CLASRP: variants seen among roughly 807,000 people sequenced by gnomAD.
CLASRP encodes CLK4 associating serine/arginine rich protein.
In CLASRP, 52 loss-of-function variants were observed where a neutral mutation model predicts 99.9. That is an observed-to-expected ratio of 0.52 (90% CI 0.42 to 0.66). CLASRP has a LOEUF of 0.66. Among genes scored for constraint, CLASRP ranks in the 30% least tolerant of loss-of-function variants. CLASRP has a pLI of 0.00. For missense variants in CLASRP, 848 were observed against 999.2 expected (o/e 0.85, Z 2.04); for synonymous variants, 379 against 373.0 (o/e 1.02, Z -0.18).
At position 45,069,190 on chromosome 19, in the gene CLASRP, T is replaced by C; in HGVS notation, c.1828-12T>C. 6.2e-7 allele frequency: 1 copy of C among 1,613,992 alleles called. No individual in the cohort carries two copies. Among genetic ancestry groups the C allele is most frequent in the Non-Finnish European group, 8.5e-7 (1 of 1,179,940 alleles). On this transcript the variant is annotated splice_polypyrimidine_tract_variant and intron_variant, in intron 17 of 20. Coordinates refer to ENST00000221455, the MANE Select transcript of CLASRP (RefSeq NM_007056.3). Reference sequence around the variant, plus strand: ...TGGCCTGGCCACGTCCTCATAGCCCTGTCTGCTGCAGGAGCGGGAAGACGA... The same window carrying C: ...TGGCCTGGCCACGTCCTCATAGCCCCGTCTGCTGCAGGAGCGGGAAGACGA...
intron 13 of CLASRP, among the ~76,000 whole-genome samples, chr19:45,065,982 T>C (rs1387365364): frequency 6.6e-6 from 1 of 152,136 alleles, no homozygotes; most frequent in Non-Finnish European, 1.5e-5. Flanking sequence ...AGGGGCCAGG[T>C]AGAGATCCTG....
Position 45,067,437 on chromosome 19 carries a change from C to A in CLASRP, c.1510C>A (p.Arg504Ser), listed in dbSNP as rs755157384. 1.3e-6 allele frequency: 2 copies of A among 1,536,766 alleles called. No homozygotes were observed. The highest frequency in any genetic ancestry group is 1.7e-6 in the Non-Finnish European group (2 of 1,144,176). The change falls in exon 14 of 21, where the codon CGC (arginine) becomes AGC (serine). Residue 504 changes from arginine (R) to serine (S), a missense_variant. Arg to Ser is a moderately radical substitution (Grantham distance 110). Around this residue, in one of 8 missense-constraint regions of CLASRP, gnomAD observed 489 missense variants for 434.7 expected, o/e 1.12. Coordinates refer to ENST00000221455, the MANE Select transcript of CLASRP (RefSeq NM_007056.3). The surrounding 1 kb of genome is among the most constrained non-coding windows in gnomAD (Gnocchi z 4.9). ...SRSSWSLSPS[R>S]SRSLTRSRSH... Reference sequence around the variant, plus strand: ...CAGCAGCTGGTCCCTCAGCCCGTCCCGCAGTCGCAGCCTGACTCGCAGCCG... The same window carrying A: ...CAGCAGCTGGTCCCTCAGCCCGTCCAGCAGTCGCAGCCTGACTCGCAGCCG...
intron 13 of CLASRP, among the ~76,000 whole-genome samples, chr19:45,066,029 G>A (rs537984727): frequency 5.3e-5 from 8 of 152,320 alleles, no homozygotes; most frequent in South Asian, 4.1e-4. Flanking sequence ...CAGTCGGGGC[G>A]TTGACCGCTC....
intron 2 of CLASRP, among the ~76,000 whole-genome samples, chr19:45,051,822 G>T (rs1324780179): frequency 6.6e-6 from 1 of 152,096 alleles, no homozygotes; most frequent in African/African-American, 2.4e-5. Context: ...CAAAAAATTA[G>T]TCGGGCATGG....
chr19:45,040,479 GCTT>G, intron 2 of CLASRP, 168 bp downstream of exon 2: 1 of 538,638 alleles, frequency 1.9e-6, no homozygotes, highest in South Asian at 1.9e-5. Context: ...GATCCCAAGG[GCTT>G]CTGTTTGTTG....
At chr19:45,052,982 C>T in intron 4 of CLASRP, 90 bp downstream of exon 4, 1 of 1,518,318 alleles carries the variant, frequency 6.6e-7, no homozygotes. Flanking sequence ...TTCCTAGGAG[C>T]CGTTCCTATT....
intron 11 of CLASRP, among the ~76,000 whole-genome samples, 174 bp from the exon 12 acceptor site, chr19:45,063,838 G>C (rs1294635854): frequency 6.6e-6 from 1 of 152,184 alleles, no homozygotes; most frequent in African/African-American, 2.4e-5. Context: ...GCATGGTTGT[G>C]AGTCAAGTCC....
chr19:45,040,698 A>T, intron 2 of CLASRP: 1 of 180,574 alleles, frequency 5.5e-6, no homozygotes, highest in African/African-American at 2.3e-5. Flanking sequence ...AGTGAGTATT[A>T]AGTTGGCCTG....
chr19:45,064,596 C>A lies in CLASRP; in HGVS notation c.1375C>A (p.Arg459=). The A allele has an allele frequency of 1.3e-6, 2 of 1,549,004 alleles. No homozygotes were observed. Among genetic ancestry groups the A allele is most frequent in the Admixed American group, 1.9e-5 (1 of 52,652 alleles). The change falls in exon 13 of 21, where the codon CGG becomes AGG. Residue 459 remains arginine (R), a synonymous_variant. Transcript: ENST00000221455. ...ACACCGGTACTCCCGCTCGCCCGCC[C>A]GGCGTGGTGGTTACGGGCCCCGGCG... The part of the protein sequence containing the change: ...DGHRYSRSPA[R]RGGYGPRRRS...
intron 2 of CLASRP, among the ~76,000 whole-genome samples, chr19:45,048,900 C>A (rs1351807618): frequency 6.6e-6 from 1 of 151,996 alleles, no homozygotes; most frequent in South Asian, 2.1e-4. Context: ...GCAGGAGAAT[C>A]CCTTGAACTT....
At position 45,052,103 on chromosome 19, in the gene CLASRP, T is replaced by C. The variant is rs1235973797; in HGVS notation, c.132T>C (p.His44=). 6 of 1,613,916 alleles carry C rather than the reference T, an allele frequency of 3.7e-6. No individual in the cohort carries two copies. In the African/African-American group the frequency reaches 8.0e-5, roughly 22 times the overall value. ...KKDPAQFLQV[H]GRACKVHLDS... ...ACCCAGCCCAGTTCCTGCAGGTACA[T>C]GGCCGAGCTTGCAAGGTGCACCTGG... Residue 44 remains histidine, a synonymous_variant, in exon 3 of 21, where the codon CAT becomes CAC. Transcript: ENST00000221455.
Position 45,070,519 on chromosome 19 carries a change from C to G in CLASRP, c.1958-18C>G, listed in dbSNP as rs1568424355. 1 of 1,613,604 alleles carries G rather than the reference C, an allele frequency of 6.2e-7. No individual in the cohort carries two copies. On this transcript the variant is annotated intron_variant, in intron 19 of 20. Transcript: ENST00000221455. ...CCCTGGATGTTTGCTCGCTCTTCAC[C>G]TGTTGTTTTCTTTCCAGGTCGAGAA...
Position 45,064,145 on chromosome 19 carries a change from G to GCAGCAT in CLASRP, c.1043_1048dup (p.Ala348_Ser349dup). 1 of 1,611,488 alleles carries GCAGCAT rather than the reference G, an allele frequency of 6.2e-7. No individual in the cohort carries two copies. The highest frequency in any genetic ancestry group is 8.5e-7 in the Non-Finnish European group (1 of 1,179,542). On this transcript the variant is annotated inframe_insertion, in exon 12 of 21. Coordinates refer to ENST00000221455, the MANE Select transcript of CLASRP (RefSeq NM_007056.3). ...GGCAGCCGCAGCCGCTGCTGCCGCA[G>GCAGCAT]CAGCATCAGGAGTCACCACAGGGAA...
rs1375451692 is a variant in CLASRP, at chr19:45,060,822, G to T, written c.863+195G>T. Among the ~76,000 whole-genome samples, 2 of 152,196 alleles carry T rather than the reference G, an allele frequency of 1.3e-5. No individual in the cohort carries two copies. The highest frequency in any genetic ancestry group is 4.8e-5 in the African/African-American group (2 of 41,452). On this transcript the variant is annotated intron_variant, in intron 10 of 20. Coordinates refer to ENST00000221455, the MANE Select transcript of CLASRP (RefSeq NM_007056.3). This position sits in a 1 kb window ranked among gnomAD's most constrained non-coding sequence, Gnocchi z 4.6. Reference sequence around the variant, plus strand: ...GCCATGTGGACTCCTTTCCTTGCCAGCCCCTCCCCTCACCCTACTGGACTG... The same window carrying T: ...GCCATGTGGACTCCTTTCCTTGCCATCCCCTCCCCTCACCCTACTGGACTG...
intron 5 of CLASRP, among the ~76,000 whole-genome samples, chr19:45,056,045 G>C (rs1367916690): frequency 6.6e-6 from 1 of 152,140 alleles, no homozygotes; most frequent in Non-Finnish European, 1.5e-5. Flanking sequence ...ATGAGCCACA[G>C]AGAGGCATGC....
Position 45,052,784 on chromosome 19 carries a change from A to G in CLASRP, c.198-7A>G, listed in dbSNP as rs755746267. 1.2e-6 allele frequency: 2 copies of G among 1,607,874 alleles called. No individual in the cohort carries two copies. The highest frequency in any genetic ancestry group is 1.3e-5 in the African/African-American group (1 of 74,522). On this transcript the variant is annotated splice_polypyrimidine_tract_variant and splice_region_variant and intron_variant, in intron 3 of 20. Transcript: ENST00000221455. ...GTTCTTGCTTTCTTGCTCCCCTCCCACTTCAGGATGCCCTGGCAGGGGGAC... is the reference window on the plus strand; with the variant it reads ...GTTCTTGCTTTCTTGCTCCCCTCCCGCTTCAGGATGCCCTGGCAGGGGGAC...
intron 2 of CLASRP, among the ~76,000 whole-genome samples, chr19:45,044,042 C>T (rs540704861): frequency 1.2e-4 from 19 of 152,250 alleles, no homozygotes; most frequent in East Asian, 1.9e-4. Flanking sequence ...CCACCACGCC[C>T]GGCTAATTTT....
In CLASRP at chr19:45,060,083, C is replaced by A. The variant is rs1444488130; in HGVS notation, c.711-306C>A. On this transcript the variant is annotated intron_variant, in intron 8 of 20. Coordinates refer to ENST00000221455, the MANE Select transcript of CLASRP (RefSeq NM_007056.3). This position sits in a 1 kb window ranked among gnomAD's most constrained non-coding sequence, Gnocchi z 4.6. Reference sequence around the variant, plus strand: ...CTGAGCTCCCTCTTGAAAACTGCAGCTTCCTCTGCCTTTGCTCTACCATCT... The same window carrying A: ...CTGAGCTCCCTCTTGAAAACTGCAGATTCCTCTGCCTTTGCTCTACCATCT... Among the ~76,000 whole-genome samples, 8 of 152,166 alleles carry A rather than the reference C, an allele frequency of 5.3e-5. No homozygotes were observed. Among genetic ancestry groups the A allele is most frequent in the Non-Finnish European group, 1.2e-4 (8 of 68,026 alleles).
chr19:45,057,489 C>T (rs1972141546), intron 6 of CLASRP, among the ~76,000 whole-genome samples: 1 of 152,168 alleles, frequency 6.6e-6, no homozygotes, highest in African/African-American at 2.4e-5. Context: ...CAGAGATGAC[C>T]CAACAAAGGC....
Sources: allele counts gnomAD v4.1 joint callset (sites outside exome capture counted in the v4.1 genomes callset), GRCh38; gene constraint gnomAD v4.1.1; regional missense constraint gnomAD v4.1.1; non-coding constraint Gnocchi (gnomAD v3.1); transcripts MANE v1.5; gene names NCBI Gene and HGNC (gene_info 2026-07-23, HGNC 2026-07-21).